Variants in CALN1 observed in about 807,000 individuals in gnomAD.
The protein encoded by CALN1 is calneuron 1, also known as calcium-binding protein 8.
A neutral mutation model predicts 30.6 loss-of-function variants in CALN1; 17 were observed. The ratio of observed to expected loss-of-function variants is 0.56; its 90% CI spans 0.38 to 0.83. The LOEUF (loss-of-function observed/expected upper bound fraction) is 0.83, where lower values mean the gene tolerates loss of function less well. Among genes scored for constraint, CALN1 ranks in the 40% least tolerant of loss-of-function variants. The pLI is 0.00. For synonymous variants in CALN1, 156 were observed against 131.4 expected (o/e 1.19, Z -1.28); for missense variants, 291 against 354.9 (o/e 0.82, Z 1.45).
intron 3 of CALN1, among the ~76,000 whole-genome samples, chr7:72,124,381 A>T (rs900121982): frequency 2.6e-5 from 4 of 152,200 alleles, no homozygotes; most frequent in Admixed American, 6.5e-5. Flanking sequence ...AAACAATAAT[A>T]ATTAGATGAC....
At chr7:71,937,386 G>A (rs1439570510) in intron 5 of CALN1, among the ~76,000 whole-genome samples, 6 of 150,822 alleles carry the variant, frequency 4.0e-5, no homozygotes, top group Non-Finnish European at 5.9e-5. Flanking sequence ...ATATAAATAT[G>A]TATATATGTA....
At position 71,919,821 on chromosome 7, in the gene CALN1, C is replaced by T. The variant is rs562393927; in HGVS notation, c.501+103836G>A. Among the ~76,000 whole-genome samples the T allele has an allele frequency of 3.9e-5, 6 of 152,248 alleles. No homozygotes were observed. In the South Asian group the frequency reaches 8.3e-4, roughly 21 times the overall value. On this transcript the variant is annotated intron_variant, in intron 5 of 6. Transcript: ENST00000395275. ...ATCTGGTATAAAGTTACCAGTGGTC[C>T]GCGAGGACCTAGTTGAAGCTGAACT...
At chr7:71,864,611 C>T (rs1007889579) in intron 5 of CALN1, among the ~76,000 whole-genome samples, 1 of 152,142 alleles carries the variant, frequency 6.6e-6, no homozygotes, top group Non-Finnish European at 1.5e-5. Flanking sequence ...AGGCAGAGGA[C>T]CCACCTAAGC....
At chr7:72,368,187 G>T (rs1562926759) in intron 2 of CALN1, among the ~76,000 whole-genome samples, 1 of 150,258 alleles carries the variant, frequency 6.7e-6, no homozygotes, top group Non-Finnish European at 1.5e-5. Context: ...ATGTGTATCT[G>T]TATATATATA....
chr7:72,383,316 T>TTGGAGATTTC (rs1161185431), intron 2 of CALN1, among the ~76,000 whole-genome samples: 7 of 152,218 alleles, frequency 4.6e-5, no homozygotes, highest in Admixed American at 1.3e-4. Flanking sequence ...ACTTCTGCTT[T>TTGGAGATTTC]TAGTTCTTTG....
At chr7:72,433,987 G>A (rs1808060224) in intron 1 of CALN1, among the ~76,000 whole-genome samples, 1 of 151,842 alleles carries the variant, frequency 6.6e-6, no homozygotes, top group African/African-American at 2.4e-5. Flanking sequence ...TTGAGCCCAG[G>A]AGTTCAAAGC....
intron 3 of CALN1, among the ~76,000 whole-genome samples, chr7:72,228,091 A>G (rs537528020): frequency 6.6e-6 from 1 of 152,124 alleles, no homozygotes; most frequent in South Asian, 2.1e-4. Flanking sequence ...GTGCCTATCA[A>G]TGTAGCTCTT....
intron 2 of CALN1, among the ~76,000 whole-genome samples, chr7:72,322,560 A>G (rs1800960516): frequency 6.6e-6 from 1 of 152,180 alleles, no homozygotes; most frequent in African/African-American, 2.4e-5. Context: ...AACCAGGCAC[A>G]GAAAGACAAA....
At chr7:72,407,648 C>T (rs1190887200) in intron 1 of CALN1, among the ~76,000 whole-genome samples, 4 of 152,156 alleles carry the variant, frequency 2.6e-5, no homozygotes, top group African/African-American at 9.7e-5. Context: ...CCTGCAGAAC[C>T]GTGAGCCCAT....
chr7:72,181,399 T>C (rs1174391989), intron 3 of CALN1, among the ~76,000 whole-genome samples: 1 of 151,988 alleles, frequency 6.6e-6, no homozygotes, highest in African/African-American at 2.4e-5. Context: ...GCAGTGGAAA[T>C]CCTTTCAGTG....
intron 5 of CALN1, among the ~76,000 whole-genome samples, chr7:71,828,100 G>A (rs1789037697): frequency 6.6e-6 from 1 of 152,074 alleles, no homozygotes; most frequent in East Asian, 1.9e-4. Flanking sequence ...AAAATTATAG[G>A]TATGGTTTTG....
chr7:72,376,767 T>G (rs1804582510), intron 2 of CALN1, among the ~76,000 whole-genome samples: 1 of 152,228 alleles, frequency 6.6e-6, no homozygotes, highest in Non-Finnish European at 1.5e-5. Context: ...GATTCACATT[T>G]AGGAAATTGC....
chr7:72,101,046 C>T (rs1806625866), intron 4 of CALN1, among the ~76,000 whole-genome samples: 1 of 151,850 alleles, frequency 6.6e-6, no homozygotes, highest in African/African-American at 2.4e-5. Context: ...TTACTGCAAC[C>T]TCTGCCTCCT....
chr7:71,788,011 A>C, intron 6 of CALN1, 109 bp from the exon 7 acceptor site: 1 of 1,444,236 alleles, frequency 6.9e-7, no homozygotes, highest in Non-Finnish European at 9.5e-7. Context: ...ACAGGCCAGC[A>C]GTGAGTCCTA....
chr7:72,023,535 A>G (rs1437515297), intron 5 of CALN1, 122 bp downstream of exon 5: 5 of 564,948 alleles, frequency 8.9e-6, no homozygotes, highest in Non-Finnish European at 1.5e-5. Context: ...GTTCTGGAAC[A>G]TATGTCGCTC....
chr7:72,304,976 G>A (rs564590766), intron 2 of CALN1, among the ~76,000 whole-genome samples: 5 of 152,148 alleles, frequency 3.3e-5, no homozygotes, highest in African/African-American at 9.7e-5. Flanking sequence ...TGGGAGTAAG[G>A]CCCCAGGAAG....
intron 1 of CALN1, among the ~76,000 whole-genome samples, chr7:72,420,133 G>A (rs1036407444): frequency 2.6e-5 from 4 of 152,260 alleles, no homozygotes; most frequent in East Asian, 3.9e-4. Context: ...TCCTGCCCAC[G>A]AAGGGGCAAG....
intron 2 of CALN1, among the ~76,000 whole-genome samples, chr7:72,360,435 TAAAA>T (rs1803503790): frequency 6.6e-6 from 1 of 151,706 alleles, no homozygotes; most frequent in Non-Finnish European, 1.5e-5. Context: ...TTTTTTTATT[TAAAA>T]AAATCAGAGA....
At position 72,209,092 on chromosome 7, in the gene CALN1, TTTC is replaced by T. The variant is rs542193429; in HGVS notation, c.244+69591_244+69593del. On this transcript the variant is annotated intron_variant, in intron 3 of 6. Transcript: ENST00000395275. ...TGTCCTCTCTCCTTCCCTTCCCTCC[TTTC>T]TTGTGTCATTTCTCTCTTTTTTACT... Among the ~76,000 whole-genome samples the T allele has an allele frequency of 7.1e-4, 96 of 134,730 alleles. 1 individual carries two copies. The highest frequency in any genetic ancestry group is 4.3e-3 in the Middle Eastern group (1 of 230). 88.4% of individuals were successfully genotyped at this position (134,730 alleles called of 152,430 possible).
Sources: allele counts gnomAD v4.1 joint callset (sites outside exome capture counted in the v4.1 genomes callset), GRCh38; gene constraint gnomAD v4.1.1; transcripts MANE v1.5; gene names NCBI Gene and HGNC (gene_info 2026-07-23, HGNC 2026-07-21).